ABR: variants seen among roughly 807,000 people sequenced by gnomAD.
The protein encoded by ABR is ABR activator of RhoGEF and GTPase.
A neutral mutation model predicts 107.2 loss-of-function variants in ABR; 35 were observed. The ratio of observed to expected loss-of-function variants is 0.33; its 90% confidence interval spans 0.25 to 0.43. The LOEUF is 0.43. ABR is among the 20% of genes least tolerant of loss of function. The pLI is 1.00. For missense variants in ABR, 815 were observed against 1,115.2 expected, an observed-to-expected ratio of 0.73 and a Z score of 3.83; for synonymous variants, 498 against 462.0, an observed-to-expected ratio of 1.08 and a Z score of -1.00.
intron 4 of ABR, among the ~76,000 whole-genome samples, chr17:1,090,872 G>A (rs189824174): frequency 9.8e-5 from 15 of 152,310 alleles, no homozygotes; most frequent in Admixed American, 2.0e-4. Context: ...GCGGTCAGAC[G>A]TTACGTAGCA....
chr17:1,147,361 G>GT (rs1440408815), intron 1 of ABR, among the ~76,000 whole-genome samples: 2 of 126,108 alleles, frequency 1.6e-5, no homozygotes, highest in South Asian at 2.9e-4. Flanking sequence ...GGGGGTTTTG[G>GT]TTGTTTTTTT....
Position 1,179,678 on chromosome 17 carries a change from G to T in ABR, c.50C>A (p.Thr17Asn). Residue 17 changes from threonine to asparagine, a missense_variant, in exon 1 of 23, where the codon ACC becomes AAC. Physicochemically the swap from Thr to Asn is moderately conservative, Grantham distance 65. Coordinates refer to ENST00000302538, the MANE Select transcript of ABR (RefSeq NM_021962.5). The surrounding 1 kb of genome is among the most constrained non-coding windows in gnomAD (Gnocchi z 4.9). ...CCCGGCACACGTACTGCTGTAGAGG[G>T]TGTCGATCCAGGACAGGCGCGGCAG... Reference protein sequence around the residue: ...RGLPRLSWIDTLYSNFSYGTD... With the variant: ...RGLPRLSWIDNLYSNFSYGTD... 1.3e-6 allele frequency: 2 copies of T among 1,567,592 alleles called. No individual in the cohort carries two copies. Among genetic ancestry groups the T allele is most frequent in the Non-Finnish European group, 1.7e-6 (2 of 1,158,110 alleles).
At chr17:1,032,720 G>A (rs371693599) in intron 16 of ABR, among the ~76,000 whole-genome samples, 7 of 152,124 alleles carry the variant, frequency 4.6e-5, no homozygotes, top group African/African-American at 1.4e-4. Flanking sequence ...CTTTCTAACC[G>A]CAGAGACTAG....
chr17:1,108,974 G>A (rs145650014), intron 2 of ABR: 33,906 of 1,597,636 alleles, frequency 0.021, 891 homozygotes, highest in Admixed American at 0.13. Context: ...GCCGGGGCTG[G>A]TCGGGGTTCC....
chr17:1,062,754 C>T (rs1429594856), intron 10 of ABR, among the ~76,000 whole-genome samples: 44 of 109,856 alleles, frequency 4.0e-4, no homozygotes, highest in Middle Eastern at 0.011. Context: ...ACTGTTGTTA[C>T]GTGAACTGAG....
intron 4 of ABR, among the ~76,000 whole-genome samples, chr17:1,089,577 C>A (rs963829764): frequency 2.0e-5 from 3 of 152,208 alleles, no homozygotes; most frequent in Non-Finnish European, 4.4e-5. Flanking sequence ...CCATGCCCTT[C>A]CGAGTTCTCC....
intron 1 of ABR, among the ~76,000 whole-genome samples, chr17:1,196,598 A>G (rs1250833862): frequency 1.3e-5 from 2 of 149,598 alleles, no homozygotes; most frequent in African/African-American, 2.5e-5. Flanking sequence ...GCAGCCACAC[A>G]CACAGAACTT....
intron 16 of ABR, chr17:1,039,432 C>T (rs969161212): frequency 1.3e-5 from 2 of 152,336 alleles, no homozygotes; most frequent in African/African-American, 4.8e-5. Context: ...TTTGGAAAAG[C>T]TTTCGACGGC....
At chr17:1,215,429 C>T (rs1356963974) in intron 1 of ABR, among the ~76,000 whole-genome samples, 2 of 152,188 alleles carry the variant, frequency 1.3e-5, no homozygotes, top group African/African-American at 2.4e-5. Context: ...TTGGTGGAGA[C>T]GGGGTTTCGC....
intron 10 of ABR, among the ~76,000 whole-genome samples, chr17:1,060,819 C>T (rs1197913467): frequency 2.6e-5 from 4 of 151,922 alleles, no homozygotes; most frequent in South Asian, 2.1e-4. Context: ...GGTGAAACCC[C>T]GTCTCTACTA....
rs139729854 is a variant in ABR, at chr17:1,011,632, C to T, written c.2101+214G>A. ...GTTGGGTCATCCTGGGCAAGTGAGT[C>T]GGCCCTTGTGAGTTTCTGCAGTTGC... On this transcript the variant is annotated intron_variant, in intron 19 of 22. Coordinates refer to ENST00000302538, the MANE Select transcript of ABR (RefSeq NM_021962.5). The surrounding 1 kb of genome is among the most constrained non-coding windows in gnomAD (Gnocchi z 4.8). 3.4e-4 allele frequency: 160 copies of T among 469,034 alleles called. 1 individual carries two copies. Among genetic ancestry groups the T allele is most frequent in the Middle Eastern group, 1.2e-3 (2 of 1,688 alleles). The allele number at this position is 469,034 out of a possible 1,614,324, so 29.1% of individuals were successfully genotyped here. A position where few individuals can be genotyped will look rare whatever the true frequency, so the allele number is the denominator to read the frequency against.
rs2042519118 is a variant in ABR at position 1,194,852 on chromosome 17, C to T, written c.838+33941G>A. 1.6e-5 allele frequency among the ~76,000 whole-genome samples: 2 copies of T among 124,770 alleles called. 1 individual carries two copies. Among genetic ancestry groups the T allele is most frequent in the East Asian group, 7.7e-4 (2 of 2,610 alleles). The allele number at this position is 124,770 out of a possible 152,430, so 81.9% of individuals were successfully genotyped here. On this transcript the variant is annotated intron_variant, in intron 1 of 22. Coordinates refer to the ABR transcript ENST00000574139. ...ATTTTTAGTAGAGACAGGGTTTCGC[C>T]ATGTTGGCCAGACTGGTCTCGAACT...
chr17:1,013,459 G>A (rs1014312616), intron 16 of ABR, among the ~76,000 whole-genome samples: 4 of 150,610 alleles, frequency 2.7e-5, no homozygotes, highest in African/African-American at 7.5e-5. Flanking sequence ...CCACCGTGGG[G>A]GAGGCAGGGC....
chr17:1,214,236 C>T (rs1278350280), intron 1 of ABR, among the ~76,000 whole-genome samples: 1 of 151,550 alleles, frequency 6.6e-6, no homozygotes, highest in African/African-American at 2.4e-5. Context: ...CCCACCACCA[C>T]CTTAAACCTA....
At chr17:1,167,624 G>T (rs751414601) in intron 1 of ABR, among the ~76,000 whole-genome samples, 2 of 152,238 alleles carry the variant, frequency 1.3e-5, no homozygotes, top group Non-Finnish European at 2.9e-5. Flanking sequence ...CAAGACAGAT[G>T]TGTTGTGTGA....
chr17:1,063,982 C>T (rs2034368538), intron 10 of ABR, among the ~76,000 whole-genome samples: 3 of 144,124 alleles, frequency 2.1e-5, no homozygotes, highest in Non-Finnish European at 4.6e-5. Context: ...TTCCTCTAGA[C>T]ACTGTTATGT....
rs111792747 is a variant in ABR at position 1,041,921 on chromosome 17, G to A, written c.1791+8129C>T. Among the ~76,000 whole-genome samples the A allele has an allele frequency of 1.9e-3, 283 of 152,214 alleles. 2 individuals carry two copies. The highest frequency in any genetic ancestry group is 6.5e-3 in the African/African-American group (268 of 41,528). On this transcript the variant is annotated intron_variant, in intron 16 of 22. Coordinates refer to ENST00000302538, the MANE Select transcript of ABR (RefSeq NM_021962.5). ...GGTCAAGGGGCAGGGACACTTGGCC[G>A]GGAGGGGGAGAGAAGGCCGAGGCAG...
chr17:1,085,531 T>C (rs1233686569), intron 4 of ABR, among the ~76,000 whole-genome samples: 1 of 152,184 alleles, frequency 6.6e-6, no homozygotes, highest in African/African-American at 2.4e-5. Context: ...GTTGAACTAA[T>C]AACAGTGTGG....
Position 1,031,590 on chromosome 17 carries a change from G to A in ABR, c.1792-18426C>T, listed in dbSNP as rs1474179600. The A allele has an allele frequency of 5.9e-5, 30 of 509,900 alleles. No homozygotes were observed. The Admixed American group carries it at 2.1e-3, about 36-fold the overall frequency. 31.6% of individuals were successfully genotyped at this position (509,900 alleles called of 1,614,324 possible). The stretch of plus-strand genomic sequence containing the variant: ...CCACCCCCCGGAACCTCCAGCCCCC[G>A]CGGGCACCTTGTTTCGGAGCAGCTT... On this transcript the variant is annotated intron_variant, in intron 16 of 22. Transcript: ENST00000302538.
Sources: allele counts gnomAD v4.1 joint callset (sites outside exome capture counted in the v4.1 genomes callset), GRCh38; gene constraint gnomAD v4.1.1; non-coding constraint Gnocchi (gnomAD v3.1); transcripts MANE v1.5; gene names NCBI Gene and HGNC (gene_info 2026-07-23, HGNC 2026-07-21).